ACTR3C: variants seen among roughly 807,000 people sequenced by gnomAD.
ACTR3C encodes the protein actin-related protein 3C.
Under a neutral mutation model 26.3 loss-of-function variants are expected in ACTR3C, and 18 were observed. That is an observed-to-expected ratio of 0.68 (90% CI 0.47 to 1.01). The LOEUF (loss-of-function observed/expected upper bound fraction) is 1.01. Ranked by LOEUF, ACTR3C falls within the 50% of genes least tolerant of loss-of-function variation. ACTR3C has a pLI of 0.00. For synonymous variants in ACTR3C, 55 were observed against 94.5 expected (o/e 0.58, Z 2.42); for missense variants, 184 against 250.7 (o/e 0.73, Z 1.80).
chr7:149,992,240 C>A, the ACTR3C span, among the ~76,000 whole-genome samples: 15 of 152,218 alleles, frequency 9.9e-5, no homozygotes, highest in African/African-American at 1.4e-4. Context: ...GTCCATGCCA[C>A]CAAATAAATA....
At chr7:150,088,416 T>C in the ACTR3C span, among the ~76,000 whole-genome samples, 1 of 152,234 alleles carries the variant, frequency 6.6e-6, no homozygotes, top group Non-Finnish European at 1.5e-5. Flanking sequence ...TTAGTGTCTT[T>C]AAAGAAAGGT....
At chr7:150,113,956 G>A in the ACTR3C span, among the ~76,000 whole-genome samples, 1,038 of 151,986 alleles carry the variant, frequency 6.8e-3, 11 homozygotes, top group African/African-American at 0.024. Flanking sequence ...TCGGTGCAAC[G>A]TGCTCTACAG....
chr7:149,979,474 G>A, the ACTR3C span, among the ~76,000 whole-genome samples: 53 of 152,164 alleles, frequency 3.5e-4, 1 homozygote, highest in African/African-American at 1.2e-3. Flanking sequence ...AATAGGAGAA[G>A]AACAAGACAG....
chr7:150,079,265 C>T, the ACTR3C span, among the ~76,000 whole-genome samples: 6 of 152,100 alleles, frequency 3.9e-5, no homozygotes, highest in African/African-American at 1.2e-4. Context: ...ACAGCACCCC[C>T]GAGTACCGGC....
the ACTR3C span, among the ~76,000 whole-genome samples, chr7:149,999,297 T>C: frequency 6.6e-6 from 1 of 150,936 alleles, no homozygotes; most frequent in Non-Finnish European, 1.5e-5. Context: ...TTCGATCATC[T>C]GTTTTACATT....
At chr7:150,137,288 G>C in the ACTR3C span, among the ~76,000 whole-genome samples, 23 of 152,274 alleles carry the variant, frequency 1.5e-4, no homozygotes, top group Non-Finnish European at 2.4e-4. Context: ...AAGACAACCT[G>C]GGCACCTTCT....
the ACTR3C span, among the ~76,000 whole-genome samples, chr7:150,049,179 T>C: frequency 6.6e-6 from 1 of 151,946 alleles, no homozygotes; most frequent in Non-Finnish European, 1.5e-5. Context: ...GCTCCGCTCC[T>C]CCGCTCCAGG....
chr7:150,322,099 C>T (rs896081317), intron 1 of ACTR3C, among the ~76,000 whole-genome samples: 3 of 152,220 alleles, frequency 2.0e-5, no homozygotes, highest in African/African-American at 7.2e-5. Context: ...GGCTCCCACA[C>T]AATTTGTAGC....
At chr7:149,967,324 G>A in the ACTR3C span, among the ~76,000 whole-genome samples, 1 of 151,836 alleles carries the variant, frequency 6.6e-6, no homozygotes, top group Non-Finnish European at 1.5e-5. Context: ...CATAAGCCAC[G>A]GTGCCTGGCC....
At chr7:150,087,182 TAAAAA>T in the ACTR3C span, among the ~76,000 whole-genome samples, 28 of 129,406 alleles carry the variant, frequency 2.2e-4, no homozygotes, top group African/African-American at 5.1e-4. Flanking sequence ...TGAATTTGTT[TAAAAA>T]AAAAAAAAAA....
chr7:150,041,133 G>A, the ACTR3C span, among the ~76,000 whole-genome samples: 1 of 150,542 alleles, frequency 6.6e-6, no homozygotes, highest in Admixed American at 6.6e-5. Flanking sequence ...GGCTGGGGCT[G>A]CCAGAAGATT....
At chr7:150,047,330 G>A in the ACTR3C span, among the ~76,000 whole-genome samples, 1 of 152,342 alleles carries the variant, frequency 6.6e-6, no homozygotes, top group South Asian at 2.1e-4. Context: ...TCCAGGGAAC[G>A]TAAGGCGAAT....
the ACTR3C span, among the ~76,000 whole-genome samples, chr7:150,010,538 A>G: frequency 3.3e-5 from 5 of 152,026 alleles, no homozygotes; most frequent in Non-Finnish European, 5.9e-5. Flanking sequence ...TGCTAAAAAT[A>G]TAAAAATTAG....
the ACTR3C span, among the ~76,000 whole-genome samples, chr7:150,042,633 A>C: frequency 6.6e-6 from 1 of 151,020 alleles, no homozygotes; most frequent in Non-Finnish European, 1.5e-5. Context: ...GTAAGAGGGG[A>C]TGGATCTCAG....
chr7:150,314,563 T>C (rs1437671245), intron 1 of ACTR3C, among the ~76,000 whole-genome samples: 1 of 152,084 alleles, frequency 6.6e-6, no homozygotes, highest in Non-Finnish European at 1.5e-5. Context: ...GGCAAACATA[T>C]AGTTACTCTT....
At chr7:150,042,966 A>C in the ACTR3C span, among the ~76,000 whole-genome samples, 1 of 151,128 alleles carries the variant, frequency 6.6e-6, no homozygotes, top group East Asian at 1.9e-4. Context: ...TCCCCATTTC[A>C]AAGTTTCCGG....
the ACTR3C span, among the ~76,000 whole-genome samples, chr7:150,184,713 TA>T: frequency 1.3e-5 from 2 of 150,314 alleles, no homozygotes; most frequent in Non-Finnish European, 2.9e-5. Flanking sequence ...TTGAAAATAA[TA>T]GAAAACACAA....
At chr7:150,043,685 A>G in the ACTR3C span, among the ~76,000 whole-genome samples, 1 of 152,358 alleles carries the variant, frequency 6.6e-6, no homozygotes, top group Non-Finnish European at 1.5e-5. Flanking sequence ...CACTGGTCCT[A>G]TTGGTGATGA....
At chr7:150,072,136 C>T in the ACTR3C span, among the ~76,000 whole-genome samples, 1 of 139,142 alleles carries the variant, frequency 7.2e-6, no homozygotes, top group African/African-American at 2.6e-5. Context: ...TGTGCATAGG[C>T]ACCAGCGTGC....
Sources: gnomAD v4.1 joint callset for allele counts (sites outside exome capture counted in the v4.1 genomes callset) on GRCh38, gnomAD v4.1.1 for gene constraint, MANE v1.5 for transcripts, NCBI Gene and HGNC (gene_info 2026-07-23, HGNC 2026-07-21) for gene names.